Variants in EXO1 observed in about 807,000 individuals in gnomAD.
EXO1 encodes exonuclease 1.
In EXO1, 69 loss-of-function variants were observed where a neutral mutation model predicts 84.5. The ratio of observed to expected loss-of-function variants is 0.82; its 90% CI spans 0.67 to 1.00. The LOEUF (loss-of-function observed/expected upper bound fraction) is 1.00, where lower values mean the gene tolerates loss of function less well. Ranked by LOEUF, EXO1 falls within the 50% of genes least tolerant of loss-of-function variation. The pLI is 0.00. For missense variants in EXO1, 1,045 were observed against 1,000.7 expected (o/e 1.04, Z -0.60); for synonymous variants, 373 against 366.1 (o/e 1.02, Z -0.21).
chr1:241,871,946 G>C, intron 11 of EXO1, 86 bp from the exon 12 acceptor site: 1 of 787,094 alleles, frequency 1.3e-6, no homozygotes, highest in Admixed American at 2.7e-5. Flanking sequence ...CTTATTTTTA[G>C]GACAATGGGA....
chr1:241,856,247 C>T (rs953484962), intron 6 of EXO1, among the ~76,000 whole-genome samples: 2 of 121,074 alleles, frequency 1.7e-5, no homozygotes, highest in Admixed American at 8.4e-5. Flanking sequence ...CCTCTTTCCT[C>T]TTTTTTTCTT....
chr1:241,868,634 C>T (rs902753719), intron 11 of EXO1, among the ~76,000 whole-genome samples: 1 of 152,116 alleles, frequency 6.6e-6, no homozygotes, highest in Non-Finnish European at 1.5e-5. Context: ...CATCACTGCG[C>T]CCCAGCCTGA....
chr1:241,865,967 C>T (rs947883422), intron 10 of EXO1, among the ~76,000 whole-genome samples: 1 of 152,002 alleles, frequency 6.6e-6, no homozygotes, highest in Non-Finnish European at 1.5e-5. Context: ...ATTCTGAGTT[C>T]ATGTGGGATT....
At chr1:241,881,687 T>G (rs1662765696) in intron 13 of EXO1, among the ~76,000 whole-genome samples, 1 of 152,200 alleles carries the variant, frequency 6.6e-6, no homozygotes, top group Non-Finnish European at 1.5e-5. Context: ...CAGAAAAGAC[T>G]TTAATTTTAA....
In EXO1 at chr1:241,879,358, G is replaced by A. The variant is rs754730021; in HGVS notation, c.2109+15G>A. Reference sequence around the variant, plus strand: ...CTGATTCAGAGGTAAGTCAAATCCTGAAGGCTTTGTTTTCAAATTTATATG... The same window carrying A: ...CTGATTCAGAGGTAAGTCAAATCCTAAAGGCTTTGTTTTCAAATTTATATG... On this transcript the variant is annotated intron_variant, in intron 13 of 15. Transcript: ENST00000366548. 12 of 1,484,716 alleles carry A rather than the reference G, an allele frequency of 8.1e-6. No individual in the cohort carries two copies. The highest frequency in any genetic ancestry group is 1.4e-5 in the African/African-American group (1 of 72,052). The allele number at this position is 1,484,716 out of a possible 1,614,324, so 92.0% of individuals were successfully genotyped here. A position where few individuals can be genotyped will look rare whatever the true frequency, so the allele number is the denominator to read the frequency against.
chr1:241,884,571 T>C (rs1173138026), intron 14 of EXO1, among the ~76,000 whole-genome samples: 4 of 152,184 alleles, frequency 2.6e-5, no homozygotes, highest in Admixed American at 6.5e-5. Context: ...AAAAAATCTC[T>C]AAGTTACATC....
At chr1:241,856,100 G>T (rs1420478424) in intron 6 of EXO1, among the ~76,000 whole-genome samples, 2 of 152,246 alleles carry the variant, frequency 1.3e-5, no homozygotes, top group Non-Finnish European at 2.9e-5. Flanking sequence ...CCGAGAGCGA[G>T]GGAGGGCTAT....
intron 10 of EXO1, among the ~76,000 whole-genome samples, chr1:241,862,752 A>T (rs1661475887): frequency 6.6e-6 from 1 of 152,194 alleles, no homozygotes; most frequent in South Asian, 2.1e-4. Context: ...GAAAACTTGG[A>T]AATAAACTTT....
At chr1:241,853,142 T>C (rs542497879) in intron 5 of EXO1, among the ~76,000 whole-genome samples, 1 of 152,252 alleles carries the variant, frequency 6.6e-6, no homozygotes, top group Admixed American at 6.5e-5. Flanking sequence ...ATCTTGTGTG[T>C]GTGTGTGTGC....
Position 241,887,822 on chromosome 1 carries a change from A to G in EXO1, c.2406-1643A>G, listed in dbSNP as rs973870343. ...CCTTACTAATTTTTATATTTTTTGTAGAGATCGGGTTTCGCTGTGTTGGCC... is the reference window on the plus strand; with the variant it reads ...CCTTACTAATTTTTATATTTTTTGTGGAGATCGGGTTTCGCTGTGTTGGCC... On this transcript the variant is annotated intron_variant, in intron 15 of 15. Transcript: ENST00000366548. Among the ~76,000 whole-genome samples, 4 of 152,084 alleles carry G rather than the reference A, an allele frequency of 2.6e-5. No individual in the cohort carries two copies. In the East Asian group the frequency reaches 5.8e-4, roughly 22 times the overall value.
chr1:241,868,732 C>T (rs553226192), intron 11 of EXO1, among the ~76,000 whole-genome samples: 1 of 152,316 alleles, frequency 6.6e-6, no homozygotes, highest in East Asian at 1.9e-4. Flanking sequence ...AGAAAGTGGA[C>T]ATTTTAACAA....
At chr1:241,881,260 T>G (rs1279584823) in intron 13 of EXO1, among the ~76,000 whole-genome samples, 1 of 152,128 alleles carries the variant, frequency 6.6e-6, no homozygotes, top group Non-Finnish European at 1.5e-5. Context: ...ACTCCTGACC[T>G]CAAGTGATCT....
At chr1:241,857,567 ATTATGAT>A in intron 7 of EXO1, 85 bp downstream of exon 7, 1 of 623,580 alleles carries the variant, frequency 1.6e-6, no homozygotes, top group Non-Finnish European at 2.5e-6. Flanking sequence ...TGTCCAGGAA[ATTATGAT>A]AATTTATAAT....
rs1266341820 is a variant in EXO1, at chr1:241,850,485, G to A, written c.60G>A (p.Arg20=). 2 of 1,613,886 alleles carry A rather than the reference G, an allele frequency of 1.2e-6. No individual in the cohort carries two copies. The highest frequency in any genetic ancestry group is 1.7e-5 in the Admixed American group (1 of 60,018). The part of the protein sequence containing the change: ...IKEASEPIHV[R]KYKGQVVAVD... ...AAGCTTCAGAACCCATCCATGTGAG[G>A]AAGTATAAAGGGCAGGTAGTAGCTG... The change falls in exon 4 of 16, where the codon AGG becomes AGA. Residue 20 remains arginine (R), a synonymous_variant. Transcript: ENST00000366548.
intron 15 of EXO1, among the ~76,000 whole-genome samples, chr1:241,887,185 A>AG (rs1405066145): frequency 6.6e-6 from 1 of 152,124 alleles, no homozygotes; most frequent in Non-Finnish European, 1.5e-5. Context: ...TCTGTTGCCT[A>AG]GGCTGGAATG....
intron 8 of EXO1, among the ~76,000 whole-genome samples, chr1:241,859,083 T>G (rs760432993): frequency 1.3e-5 from 2 of 152,176 alleles, no homozygotes; most frequent in African/African-American, 2.4e-5. Context: ...TCAAGCTCCT[T>G]TATGGTAATA....
At chr1:241,860,473 C>T (rs762245477) in intron 8 of EXO1, 44 bp from the exon 9 acceptor site, 3 of 1,396,212 alleles carry the variant, frequency 2.1e-6, no homozygotes, top group South Asian at 1.2e-5. Flanking sequence ...AATATGTTCC[C>T]TGTTCTTTAG....
At chr1:241,855,747 G>A (rs984306163) in intron 6 of EXO1, among the ~76,000 whole-genome samples, 3 of 152,210 alleles carry the variant, frequency 2.0e-5, no homozygotes, top group Admixed American at 1.3e-4. Context: ...CTAAGGCCCC[G>A]CGAGAAATAG....
rs754871794 is a variant in EXO1, at chr1:241,866,882, C to G, written c.1094C>G (p.Ala365Gly). The change falls in exon 11 of 16, where the codon GCT becomes GGT. Residue 365 changes from alanine (A) to glycine (G), a missense_variant. By Grantham distance (60) the Ala-to-Gly change is moderately conservative. Transcript: ENST00000366548. ...SWDDKTCQKS[A>G]NVSSIWHRNY... ...GATGACAAAACATGTCAAAAGTCAG[C>G]TAATGTTAGCAGCATTTGGCATAGG... 446 of 1,613,932 alleles carry G rather than the reference C, an allele frequency of 2.8e-4. 1 individual carries two copies. Among genetic ancestry groups the G allele is most frequent in the Non-Finnish European group, 3.7e-4 (436 of 1,179,952 alleles).
Sources: gnomAD v4.1 joint callset for allele counts (sites outside exome capture counted in the v4.1 genomes callset) on GRCh38, gnomAD v4.1.1 for gene constraint, MANE v1.5 for transcripts, NCBI Gene and HGNC (gene_info 2026-07-23, HGNC 2026-07-21) for gene names.